Variants in THADA observed in about 807,000 individuals in gnomAD.
THADA encodes THADA armadillo repeat containing.
A neutral mutation model predicts 219.8 loss-of-function variants in THADA; 213 were observed. The observed-to-expected ratio is 0.97, with a 90% CI of 0.87 to 1.09. THADA has a LOEUF of 1.09. Among genes scored for constraint, THADA ranks in the 50% least tolerant of loss-of-function variants. The pLI is 0.00. For missense variants in THADA, 2,956 were observed against 2,311.3 expected, an observed-to-expected ratio of 1.28 and a Z score of -5.72; for synonymous variants, 1,018 against 828.9, an observed-to-expected ratio of 1.23 and a Z score of -3.92.
intron 29 of THADA, among the ~76,000 whole-genome samples, chr2:43,375,882 A>AGC (rs1390590314): frequency 9.1e-4 from 138 of 152,346 alleles, no homozygotes; most frequent in Non-Finnish European, 1.7e-3. Context: ...AAAGGAATAA[A>AGC]ACAAAGCACA....
intron 26 of THADA, among the ~76,000 whole-genome samples, chr2:43,457,133 TACACACACACACACACACACACACAC>T (rs35803641): frequency 2.4e-5 from 3 of 126,258 alleles, no homozygotes; most frequent in African/African-American, 8.7e-5. Context: ...TTAGGATATC[TACACACACACACACACACACACACAC>T]ACACACACAC....
At chr2:43,269,875 G>A (rs1421758343) in intron 36 of THADA, among the ~76,000 whole-genome samples, 1 of 152,216 alleles carries the variant, frequency 6.6e-6, no homozygotes, top group African/African-American at 2.4e-5. Flanking sequence ...GACCAAGGCA[G>A]TGGAATCCCG....
chr2:43,524,643 C>T (rs956938560), intron 22 of THADA, among the ~76,000 whole-genome samples: 1 of 152,194 alleles, frequency 6.6e-6, no homozygotes, highest in East Asian at 1.9e-4. Context: ...AAGGAAGCCA[C>T]ACACACTGTA....
chr2:43,360,310 T>C (rs915184742), intron 29 of THADA, among the ~76,000 whole-genome samples: 2 of 152,232 alleles, frequency 1.3e-5, no homozygotes, highest in African/African-American at 4.8e-5. Context: ...TTGATTTGAT[T>C]TGAAATTTAA....
At chr2:43,264,837 T>C (rs939682081) in intron 36 of THADA, among the ~76,000 whole-genome samples, 1 of 152,182 alleles carries the variant, frequency 6.6e-6, no homozygotes, top group African/African-American at 2.4e-5. Context: ...CATCTCTGAG[T>C]TCTACAGTAC....
chr2:43,545,175 T>C (rs1695859456), intron 20 of THADA, among the ~76,000 whole-genome samples: 1 of 151,966 alleles, frequency 6.6e-6, no homozygotes, highest in Admixed American at 6.6e-5. Context: ...CTGGATTACA[T>C]TTATTGATTT....
intron 25 of THADA, among the ~76,000 whole-genome samples, chr2:43,492,776 G>C (rs1030353027): frequency 6.6e-6 from 1 of 152,188 alleles, no homozygotes; most frequent in Non-Finnish European, 1.5e-5. Context: ...CTGGGCCTAT[G>C]ATTAAAGGGA....
At chr2:43,565,321 C>A (rs902670703) in intron 15 of THADA, 6 of 151,994 alleles carry the variant, frequency 3.9e-5, no homozygotes, top group African/African-American at 1.5e-4. Context: ...TGCCTGTAAT[C>A]CCAGCTACTC....
chr2:43,572,165 A>C (rs538754120), intron 12 of THADA, among the ~76,000 whole-genome samples: 16 of 151,418 alleles, frequency 1.1e-4, no homozygotes, highest in Non-Finnish European at 8.8e-5. Context: ...CCATCACCTC[A>C]CTCTTAAATT....
chr2:43,391,345 A>G (rs558344374), intron 29 of THADA, among the ~76,000 whole-genome samples: 2 of 152,334 alleles, frequency 1.3e-5, no homozygotes, highest in Admixed American at 1.3e-4. Context: ...TCAAAACAGC[A>G]GTACATTGCT....
At chr2:43,276,710 T>C (rs758111238) in intron 36 of THADA, among the ~76,000 whole-genome samples, 21 of 152,156 alleles carry the variant, frequency 1.4e-4, no homozygotes, top group Admixed American at 1.3e-4. Context: ...CCCTTTGCCC[T>C]CTCCATTTCG....
At chr2:43,513,016 T>C (rs967871491) in intron 22 of THADA, among the ~76,000 whole-genome samples, 2 of 152,210 alleles carry the variant, frequency 1.3e-5, no homozygotes, top group Non-Finnish European at 2.9e-5. Context: ...ACACAGATTA[T>C]GGACCCGTGT....
chr2:43,397,721 G>A (rs1445233665), intron 29 of THADA, among the ~76,000 whole-genome samples: 3 of 151,814 alleles, frequency 2.0e-5, no homozygotes, highest in Non-Finnish European at 4.4e-5. Flanking sequence ...GTGGGAGAAA[G>A]TATACTGCAG....
intron 16 of THADA, among the ~76,000 whole-genome samples, chr2:43,558,626 C>T (rs981012141): frequency 1.3e-5 from 2 of 151,074 alleles, no homozygotes; most frequent in Admixed American, 6.6e-5. Flanking sequence ...ATGCTTCCTG[C>T]GCTGGAACAT....
intron 36 of THADA, among the ~76,000 whole-genome samples, chr2:43,258,383 G>A (rs1670560925): frequency 6.6e-6 from 1 of 152,094 alleles, no homozygotes; most frequent in Non-Finnish European, 1.5e-5. Flanking sequence ...TTAGCCAGGT[G>A]TGGTGGTGGG....
intron 36 of THADA, among the ~76,000 whole-genome samples, chr2:43,258,921 G>A (rs1031592281): frequency 8.5e-5 from 13 of 152,294 alleles, no homozygotes; most frequent in Admixed American, 1.3e-4. Flanking sequence ...TCTACACAGG[G>A]CTCACATTGG....
At chr2:43,390,728 C>A (rs1315079629) in intron 29 of THADA, among the ~76,000 whole-genome samples, 1 of 152,206 alleles carries the variant, frequency 6.6e-6, no homozygotes, top group Admixed American at 6.5e-5. Context: ...TATAAGTACA[C>A]TGAGAGCAGT....
chr2:43,344,676 T>C (rs1332873670), intron 29 of THADA, among the ~76,000 whole-genome samples: 2 of 152,220 alleles, frequency 1.3e-5, no homozygotes, highest in Non-Finnish European at 2.9e-5. Flanking sequence ...CTGAGTTCAT[T>C]AGAACAGTCG....
At chr2:43,327,978 C>A (rs1032618822) in intron 30 of THADA, among the ~76,000 whole-genome samples, 1 of 152,156 alleles carries the variant, frequency 6.6e-6, no homozygotes, top group Non-Finnish European at 1.5e-5. Context: ...CCAGATACTG[C>A]CTCTCCTTAT....
Sources: allele counts gnomAD v4.1 joint callset (sites outside exome capture counted in the v4.1 genomes callset), GRCh38; gene constraint gnomAD v4.1.1; transcripts MANE v1.5; gene names NCBI Gene and HGNC (gene_info 2026-07-23, HGNC 2026-07-21).